Variants in PDE1A observed in about 807,000 individuals in gnomAD.
The protein encoded by PDE1A is phosphodiesterase 1A.
In PDE1A, 35 loss-of-function variants were observed where a neutral mutation model predicts 61.7. The ratio of observed to expected loss-of-function variants is 0.57; its 90% CI spans 0.43 to 0.75. The LOEUF is 0.75. PDE1A is among the 30% of genes least tolerant of loss of function. The pLI is 0.00. For missense variants in PDE1A, 597 were observed against 630.6 expected (o/e 0.95, Z 0.57); for synonymous variants, 232 against 213.2 (o/e 1.09, Z -0.77).
chr2:182,309,333 C>T (rs930809704), intron 1 of PDE1A, among the ~76,000 whole-genome samples: 1 of 151,872 alleles, frequency 6.6e-6, no homozygotes, highest in East Asian at 1.9e-4. Flanking sequence ...TTGAGCATAC[C>T]ATCCTTATAA....
At chr2:182,667,913 G>C in the PDE1A span, among the ~76,000 whole-genome samples, 2 of 152,176 alleles carry the variant, frequency 1.3e-5, no homozygotes, top group South Asian at 4.1e-4. Context: ...AAGAATACTT[G>C]AGATATAATA....
At chr2:182,339,828 A>G (rs896342621) in intron 1 of PDE1A, among the ~76,000 whole-genome samples, 1 of 152,218 alleles carries the variant, frequency 6.6e-6, no homozygotes, top group African/African-American at 2.4e-5. Flanking sequence ...TGTAGATTCC[A>G]TGAAACTTTT....
chr2:182,708,750 T>C, the PDE1A span, among the ~76,000 whole-genome samples: 2 of 152,166 alleles, frequency 1.3e-5, no homozygotes, highest in African/African-American at 4.8e-5. Context: ...TTACTACCTA[T>C]GTTGGAATCC....
At chr2:182,513,363 A>C (rs1054200155) in intron 2 of PDE1A, among the ~76,000 whole-genome samples, 4 of 152,234 alleles carry the variant, frequency 2.6e-5, no homozygotes, top group African/African-American at 9.6e-5. Flanking sequence ...TTCATAAAAC[A>C]AGGAAAAATA....
intron 2 of PDE1A, among the ~76,000 whole-genome samples, chr2:182,446,045 C>T (rs949948953): frequency 6.6e-6 from 1 of 151,974 alleles, no homozygotes; most frequent in African/African-American, 2.4e-5. Context: ...GCCAAGTACA[C>T]TTTTTTGGAT....
the PDE1A span, among the ~76,000 whole-genome samples, chr2:182,685,042 A>G: frequency 1.3e-5 from 2 of 150,906 alleles, no homozygotes; most frequent in Non-Finnish European, 3.0e-5. Flanking sequence ...TAATAATAGC[A>G]GCACTGTGGT....
chr2:182,269,630 C>T (rs907970817), intron 1 of PDE1A, among the ~76,000 whole-genome samples: 1 of 151,916 alleles, frequency 6.6e-6, no homozygotes, highest in African/African-American at 2.4e-5. Context: ...TATAACAAAA[C>T]TAGATGCAAT....
At chr2:182,264,674 G>C (rs1286298910) in intron 1 of PDE1A, among the ~76,000 whole-genome samples, 1 of 151,238 alleles carries the variant, frequency 6.6e-6, no homozygotes, top group Non-Finnish European at 1.5e-5. Flanking sequence ...TTCAGAGATA[G>C]TCTTCCTGAA....
At chr2:182,671,063 C>T in the PDE1A span, among the ~76,000 whole-genome samples, 2 of 152,094 alleles carry the variant, frequency 1.3e-5, no homozygotes, top group Admixed American at 6.5e-5. Context: ...AGTGATCCGC[C>T]CACCTTGGCC....
At chr2:182,247,702 G>T (rs865827909) in intron 2 of PDE1A, among the ~76,000 whole-genome samples, 1 of 151,964 alleles carries the variant, frequency 6.6e-6, no homozygotes, top group Admixed American at 6.6e-5. Context: ...CTTTTTCACC[G>T]GCAGATAATT....
intron 1 of PDE1A, among the ~76,000 whole-genome samples, chr2:182,290,685 C>T (rs1458825399): frequency 6.6e-6 from 1 of 151,896 alleles, no homozygotes; most frequent in Non-Finnish European, 1.5e-5. Flanking sequence ...TTTTTAGAGC[C>T]TTTTACTGTT....
the PDE1A span, among the ~76,000 whole-genome samples, chr2:182,643,020 A>C: frequency 0.059 from 9,027 of 152,246 alleles, 300 homozygotes; most frequent in Middle Eastern, 0.088. Context: ...CCTGATGCCC[A>C]TCATTTATCT....
At chr2:182,233,151 A>T (rs2125653652) in intron 4 of PDE1A, among the ~76,000 whole-genome samples, 1 of 152,326 alleles carries the variant, frequency 6.6e-6, no homozygotes, top group Non-Finnish European at 1.5e-5. Flanking sequence ...AAAATGAGTA[A>T]TTTTCTTGCT....
At chr2:182,421,865 T>C (rs2125585161) in intron 1 of PDE1A, among the ~76,000 whole-genome samples, 1 of 152,324 alleles carries the variant, frequency 6.6e-6, no homozygotes, top group South Asian at 2.1e-4. Flanking sequence ...ACCATACCCA[T>C]TAGGTCCACA....
the PDE1A span, among the ~76,000 whole-genome samples, chr2:182,649,607 C>CAA: frequency 3.0e-4 from 34 of 113,090 alleles, no homozygotes; most frequent in African/African-American, 8.4e-4. Context: ...CCACTCTATA[C>CAA]AAAAAAAAAA....
chr2:182,528,720 C>T, the PDE1A span, among the ~76,000 whole-genome samples: 22 of 152,164 alleles, frequency 1.4e-4, no homozygotes, highest in Non-Finnish European at 2.4e-4. Flanking sequence ...CCAAGGCTCC[C>T]GTGCTGTGTA....
the PDE1A span, among the ~76,000 whole-genome samples, chr2:182,595,939 T>A: frequency 6.6e-6 from 1 of 152,140 alleles, no homozygotes; most frequent in East Asian, 1.9e-4. Flanking sequence ...CTAGGGCCCA[T>A]CCAGACAGAT....
At chr2:182,694,081 G>A in the PDE1A span, among the ~76,000 whole-genome samples, 2 of 152,138 alleles carry the variant, frequency 1.3e-5, no homozygotes, top group South Asian at 4.1e-4. Flanking sequence ...CCAAAATCAT[G>A]AAGATTTGCA....
chr2:182,293,975 T>C (rs927725524), intron 1 of PDE1A, among the ~76,000 whole-genome samples: 3 of 152,188 alleles, frequency 2.0e-5, no homozygotes, highest in African/African-American at 7.2e-5. Flanking sequence ...ATGTCTATGG[T>C]GTGATATTAG....
Sources: allele counts gnomAD v4.1 joint callset (sites outside exome capture counted in the v4.1 genomes callset), GRCh38; gene constraint gnomAD v4.1.1; transcripts MANE v1.5; gene names NCBI Gene and HGNC (gene_info 2026-07-23, HGNC 2026-07-21).